Variants in EXOC6B observed in about 807,000 individuals in gnomAD.
EXOC6B encodes the protein exocyst complex component 6B.
EXOC6B carries 54 observed loss-of-function variants against 113.5 expected under a neutral mutation model. That is an observed-to-expected ratio of 0.48 (90% confidence interval 0.38 to 0.60). EXOC6B has a LOEUF of 0.60. EXOC6B is among the 20% of genes least tolerant of loss of function. The probability of loss-of-function intolerance (pLI) is 0.00; values close to 1 mark genes in which losing one functional copy is unlikely to be tolerated. For missense variants in EXOC6B, 797 were observed against 977.5 expected (o/e 0.82, Z 2.46); for synonymous variants, 357 against 339.0 (o/e 1.05, Z -0.58).
At chr2:72,452,301 C>T (rs535914280) in intron 18 of EXOC6B, among the ~76,000 whole-genome samples, 1 of 152,296 alleles carries the variant, frequency 6.6e-6, no homozygotes, top group East Asian at 1.9e-4. Context: ...CCAATCTCAT[C>T]ATAACATTGA....
chr2:72,504,566 T>C (rs539369414), intron 11 of EXOC6B, among the ~76,000 whole-genome samples: 51 of 152,298 alleles, frequency 3.3e-4, no homozygotes, highest in African/African-American at 1.2e-3. Context: ...GACATTTAAG[T>C]CATTTCTCAT....
At chr2:72,509,433 T>C (rs1700778014) in intron 11 of EXOC6B, among the ~76,000 whole-genome samples, 1 of 152,190 alleles carries the variant, frequency 6.6e-6, no homozygotes, top group Admixed American at 6.5e-5. Context: ...TCCAATCTCA[T>C]ACCCTATGCT....
chr2:72,189,860 C>CTT (rs57679690), intron 20 of EXOC6B, among the ~76,000 whole-genome samples: 102 of 87,196 alleles, frequency 1.2e-3, no homozygotes, highest in Non-Finnish European at 1.4e-3. Flanking sequence ...CCTTCTTCTT[C>CTT]TTTTTTTTTT....
At chr2:72,481,873 G>A (rs779009121) in intron 16 of EXOC6B, among the ~76,000 whole-genome samples, 6 of 152,090 alleles carry the variant, frequency 3.9e-5, no homozygotes, top group Non-Finnish European at 8.8e-5. Context: ...AGATAAAGAA[G>A]AATAACTATT....
chr2:72,309,720 CATA>C (rs72147577), intron 20 of EXOC6B, among the ~76,000 whole-genome samples: 11,499 of 152,182 alleles, frequency 0.076, 514 homozygotes, highest in Non-Finnish European at 0.11. Flanking sequence ...TAAGTACATT[CATA>C]ATGTTGTACA....
intron 18 of EXOC6B, among the ~76,000 whole-genome samples, chr2:72,398,425 G>A (rs934453607): frequency 2.0e-5 from 3 of 152,078 alleles, no homozygotes; most frequent in African/African-American, 2.4e-5. Flanking sequence ...GGACAGGCCT[G>A]GTGGCTCACA....
intron 21 of EXOC6B, among the ~76,000 whole-genome samples, chr2:72,180,451 C>T (rs1678008653): frequency 6.6e-6 from 1 of 152,226 alleles, no homozygotes; most frequent in African/African-American, 2.4e-5. Flanking sequence ...AACTCTTGTC[C>T]TAGCTGCTGC....
chr2:72,491,676 C>T (rs1573244277), intron 16 of EXOC6B, among the ~76,000 whole-genome samples: 1 of 152,054 alleles, frequency 6.6e-6, no homozygotes, highest in East Asian at 1.9e-4. Flanking sequence ...GACCAAATCT[C>T]GTTTGCCAAG....
intron 1 of EXOC6B, among the ~76,000 whole-genome samples, chr2:72,749,213 A>T (rs1413307105): frequency 1.3e-5 from 2 of 152,118 alleles, no homozygotes; most frequent in Non-Finnish European, 2.9e-5. Flanking sequence ...TATTGACTCT[A>T]ACCTAGAAAA....
At chr2:72,650,976 C>T (rs1674128725) in intron 6 of EXOC6B, among the ~76,000 whole-genome samples, 1 of 151,930 alleles carries the variant, frequency 6.6e-6, no homozygotes, top group South Asian at 2.1e-4. Flanking sequence ...GAGATCCCAT[C>T]TCTTAAAAAG....
chr2:72,446,882 A>C (rs1696615231), intron 18 of EXOC6B, among the ~76,000 whole-genome samples: 1 of 152,200 alleles, frequency 6.6e-6, no homozygotes, highest in Non-Finnish European at 1.5e-5. Context: ...CAGGCAGATC[A>C]TGAGGTCAGG....
chr2:72,381,070 C>A (rs1245425675), intron 18 of EXOC6B, among the ~76,000 whole-genome samples: 1 of 152,160 alleles, frequency 6.6e-6, no homozygotes, highest in African/African-American at 2.4e-5. Flanking sequence ...TCATGTTCCT[C>A]CCAGTCCCCA....
intron 20 of EXOC6B, among the ~76,000 whole-genome samples, chr2:72,294,620 A>G (rs1003158583): frequency 8.5e-5 from 13 of 152,138 alleles, no homozygotes; most frequent in Non-Finnish European, 1.5e-4. Flanking sequence ...ATTTATTATC[A>G]TAATGAGGAT....
chr2:72,323,258 G>A (rs1171211162), intron 20 of EXOC6B, among the ~76,000 whole-genome samples: 2 of 152,200 alleles, frequency 1.3e-5, no homozygotes, highest in Non-Finnish European at 2.9e-5. Context: ...GGTCATTAGA[G>A]AAATACAAAT....
chr2:72,751,624 T>G (rs1237898554), intron 1 of EXOC6B, among the ~76,000 whole-genome samples: 1 of 152,068 alleles, frequency 6.6e-6, no homozygotes, highest in East Asian at 1.9e-4. Context: ...TATAGAACTT[T>G]TAGAATAAAA....
chr2:72,746,273 A>C (rs1681688236), intron 1 of EXOC6B, among the ~76,000 whole-genome samples: 1 of 152,068 alleles, frequency 6.6e-6, no homozygotes, highest in Non-Finnish European at 1.5e-5. Context: ...TTCTTAGTAA[A>C]GTATATACTT....
intron 6 of EXOC6B, among the ~76,000 whole-genome samples, chr2:72,603,427 T>A (rs531353373): frequency 3.9e-5 from 6 of 152,062 alleles, no homozygotes; most frequent in African/African-American, 1.4e-4. Context: ...TTATAAATAG[T>A]CAAGGATCCT....
chr2:72,343,114 ATTC>A (rs1689133523), intron 19 of EXOC6B, among the ~76,000 whole-genome samples: 1 of 152,184 alleles, frequency 6.6e-6, no homozygotes, highest in Non-Finnish European at 1.5e-5. Flanking sequence ...TTTCTAATGT[ATTC>A]TTCTCTTAAA....
intron 1 of EXOC6B, among the ~76,000 whole-genome samples, chr2:72,768,610 T>C (rs1028599886): frequency 2.3e-3 from 75 of 32,162 alleles, no homozygotes; most frequent in African/African-American, 3.0e-3. Context: ...CGGCCTAAGC[T>C]TTTTTTTTTT....
Sources: gnomAD v4.1 joint callset for allele counts (sites outside exome capture counted in the v4.1 genomes callset) on GRCh38, gnomAD v4.1.1 for gene constraint, MANE v1.5 for transcripts, NCBI Gene and HGNC (gene_info 2026-07-23, HGNC 2026-07-21) for gene names.